Variants in SPMIP11 observed in about 807,000 individuals in gnomAD.
SPMIP11 encodes sperm microtubule inner protein 11, also known as long intergenic non-protein coding RNA 935.
At chr12:48,759,723 A>G in the SPMIP11 span, among the ~76,000 whole-genome samples, 2 of 151,104 alleles carry the variant, frequency 1.3e-5, no homozygotes, top group Non-Finnish European at 2.9e-5. Context: ...ATCAGGCAGG[A>G]AGAAAAAAAA....
chr12:48,761,612 TAAA>T, the SPMIP11 span, among the ~76,000 whole-genome samples: 4 of 115,534 alleles, frequency 3.5e-5, no homozygotes, highest in Non-Finnish European at 3.6e-5. Flanking sequence ...ACCCTGTCTT[TAAA>T]AAAAAAAAAA....
the SPMIP11 span, chr12:48,727,531 C>T: frequency 7.5e-5 from 53 of 702,768 alleles, no homozygotes; most frequent in African/African-American, 8.7e-4. Flanking sequence ...CCTTTCAGAA[C>T]AAGAAAAGGA....
the SPMIP11 span, among the ~76,000 whole-genome samples, chr12:48,762,260 G>A: frequency 2.1e-5 from 3 of 142,450 alleles, no homozygotes; most frequent in South Asian, 2.2e-4. Context: ...GGGTTTCACC[G>A]TGTTAGCTAG....
At chr12:48,736,170 G>T in the SPMIP11 span, 1 of 417,174 alleles carries the variant, frequency 2.4e-6, no homozygotes, top group Non-Finnish European at 4.8e-6. Context: ...TTGGAAGCCC[G>T]AGGTGAGTGG....
At chr12:48,742,484 G>C in the SPMIP11 span, among the ~76,000 whole-genome samples, 5 of 151,654 alleles carry the variant, frequency 3.3e-5, no homozygotes, top group African/African-American at 1.2e-4. Context: ...GTTTTACCAT[G>C]TTGGTCAGGC....
the SPMIP11 span, among the ~76,000 whole-genome samples, chr12:48,729,738 A>AACAATCTT: frequency 6.6e-6 from 1 of 151,728 alleles, no homozygotes; most frequent in Non-Finnish European, 1.5e-5. Context: ...GATTGTAAAG[A>AACAATCTT]ACAATCTTAC....
At chr12:48,764,060 G>A in the SPMIP11 span, among the ~76,000 whole-genome samples, 9 of 150,746 alleles carry the variant, frequency 6.0e-5, no homozygotes, top group African/African-American at 2.2e-4. Flanking sequence ...TTGGCTCACC[G>A]CAACCTCTGC....
the SPMIP11 span, among the ~76,000 whole-genome samples, chr12:48,742,562 G>A: frequency 3.9e-5 from 6 of 151,904 alleles, no homozygotes; most frequent in African/African-American, 7.2e-5. Flanking sequence ...TTACAGGCCC[G>A]TGCCCGGCCT....
the SPMIP11 span, among the ~76,000 whole-genome samples, chr12:48,729,948 A>G: frequency 1.3e-5 from 2 of 151,972 alleles, no homozygotes; most frequent in African/African-American, 4.8e-5. Flanking sequence ...TTTATCTCCA[A>G]ATAAAGAGGA....
the SPMIP11 span, chr12:48,768,578 T>C: frequency 6.2e-7 from 1 of 1,614,082 alleles, no homozygotes; most frequent in Middle Eastern, 1.6e-4. Context: ...GCTGAATTTG[T>C]GGCTGGGCCC....
chr12:48,733,622 C>T, the SPMIP11 span, among the ~76,000 whole-genome samples: 1 of 152,074 alleles, frequency 6.6e-6, no homozygotes, highest in Non-Finnish European at 1.5e-5. Flanking sequence ...ATTCACTATC[C>T]ACCTGTTACT....
chr12:48,735,512 G>A, the SPMIP11 span, among the ~76,000 whole-genome samples: 1 of 152,048 alleles, frequency 6.6e-6, no homozygotes, highest in East Asian at 1.9e-4. Flanking sequence ...TTGAACCCAG[G>A]AAGCAGAGGT....
the SPMIP11 span, among the ~76,000 whole-genome samples, chr12:48,753,878 T>C: frequency 6.6e-6 from 1 of 151,742 alleles, no homozygotes; most frequent in African/African-American, 2.4e-5. Flanking sequence ...AATTTTTGTA[T>C]TTTTAGTAGA....
the SPMIP11 span, among the ~76,000 whole-genome samples, chr12:48,754,894 G>A: frequency 4.0e-5 from 6 of 151,180 alleles, no homozygotes; most frequent in African/African-American, 7.3e-5. Flanking sequence ...CCACAGGCTC[G>A]TGCCACCATA....
At chr12:48,750,470 G>A in the SPMIP11 span, among the ~76,000 whole-genome samples, 3 of 152,182 alleles carry the variant, frequency 2.0e-5, no homozygotes, top group Non-Finnish European at 2.9e-5. Flanking sequence ...GCAGAAAAGT[G>A]CAACAGAGCT....
chr12:48,741,837 C>G, the SPMIP11 span, among the ~76,000 whole-genome samples: 3 of 151,942 alleles, frequency 2.0e-5, no homozygotes, highest in Non-Finnish European at 4.4e-5. Flanking sequence ...GGCAAGGTCT[C>G]GCTATGTTGT....
the SPMIP11 span, among the ~76,000 whole-genome samples, chr12:48,755,602 A>G: frequency 2.6e-5 from 4 of 152,152 alleles, no homozygotes; most frequent in Non-Finnish European, 5.9e-5. Context: ...GTATATGCCA[A>G]TTGGTGCTTG....
chr12:48,765,045 C>T, the SPMIP11 span: 1 of 674,018 alleles, frequency 1.5e-6, no homozygotes, highest in Non-Finnish European at 2.7e-6. Flanking sequence ...GTACTCCTTC[C>T]CTTCACTTTA....
the SPMIP11 span, among the ~76,000 whole-genome samples, chr12:48,744,416 A>G: frequency 1.3e-5 from 2 of 151,550 alleles, no homozygotes; most frequent in Admixed American, 1.3e-4. Context: ...CCAAAAATAA[A>G]CAAACAAACA....
Sources: gnomAD v4.1 joint callset for allele counts (sites outside exome capture counted in the v4.1 genomes callset) on GRCh38, gnomAD v4.1.1 for gene constraint, MANE v1.5 for transcripts, NCBI Gene and HGNC (gene_info 2026-07-23, HGNC 2026-07-21) for gene names.